Variants in PCDH7 observed in about 807,000 individuals in gnomAD.
The protein encoded by PCDH7 is protocadherin-7.
PCDH7 carries 17 observed loss-of-function variants against 58.9 expected under a neutral mutation model. That is an observed-to-expected ratio of 0.29 (90% CI 0.20 to 0.43). PCDH7 has a LOEUF of 0.43. Among genes scored for constraint, PCDH7 ranks in the 20% least tolerant of loss-of-function variants. The pLI, the probability that PCDH7 is intolerant of heterozygous loss-of-function variation, is 1.00. For missense variants in PCDH7, 1,274 were observed against 1,441.0 expected (o/e 0.88, Z 1.88); for synonymous variants, 664 against 616.4 (o/e 1.08, Z -1.14).
chr4:30,882,988 C>G (rs544374937), intron 1 of PCDH7, among the ~76,000 whole-genome samples: 1 of 152,208 alleles, frequency 6.6e-6, no homozygotes, highest in Non-Finnish European at 1.5e-5. Flanking sequence ...GCGGCAATTT[C>G]CCTTTCAGTG....
intron 1 of PCDH7, among the ~76,000 whole-genome samples, chr4:30,856,707 A>AATAT (rs1182128974): frequency 7.0e-6 from 1 of 142,430 alleles, no homozygotes; most frequent in Non-Finnish European, 1.5e-5. Context: ...AAAAAAAAAA[A>AATAT]ATATATATAT....
chr4:31,094,704 A>G (rs1253769927), intron 3 of PCDH7, among the ~76,000 whole-genome samples: 1 of 152,100 alleles, frequency 6.6e-6, no homozygotes, highest in Non-Finnish European at 1.5e-5. Flanking sequence ...TACCACTGAT[A>G]GGAAACACAT....
Position 30,831,208 on chromosome 4 carries a change from C to A in PCDH7, c.71-88945C>A, listed in dbSNP as rs189123884. Among the ~76,000 whole-genome samples, 325 of 152,152 alleles carry A rather than the reference C, an allele frequency of 2.1e-3. 1 individual carries two copies. Among genetic ancestry groups the A allele is most frequent in the African/African-American group, 7.5e-3 (310 of 41,512 alleles). The stretch of plus-strand genomic sequence containing the variant: ...AACTGGACAGAATTTGTCCCTCATA[C>A]GCTTCGTCTATTTATGCCTGGACAA... On this transcript the variant is annotated intron_variant, in intron 1 of 3. Coordinates refer to the PCDH7 transcript ENST00000509759.
chr4:31,092,277 G>A (rs980430576), intron 3 of PCDH7, among the ~76,000 whole-genome samples: 2 of 151,912 alleles, frequency 1.3e-5, no homozygotes, highest in African/African-American at 4.8e-5. Context: ...CTATGAAGTT[G>A]AAATAATAAA....
At chr4:31,107,317 A>G (rs1171382020) in intron 3 of PCDH7, among the ~76,000 whole-genome samples, 1 of 152,216 alleles carries the variant, frequency 6.6e-6, no homozygotes, top group African/African-American at 2.4e-5. Flanking sequence ...CTATCTCACA[A>G]TAAAGCAAAG....
intron 1 of PCDH7, among the ~76,000 whole-genome samples, chr4:30,885,922 T>G (rs1737677311): frequency 6.6e-6 from 1 of 152,164 alleles, no homozygotes; most frequent in Non-Finnish European, 1.5e-5. Flanking sequence ...TGGCCATATG[T>G]AGAAAGCTGA....
At chr4:30,912,290 T>C (rs1196585548) in intron 1 of PCDH7, among the ~76,000 whole-genome samples, 2 of 152,182 alleles carry the variant, frequency 1.3e-5, no homozygotes, top group Non-Finnish European at 2.9e-5. Flanking sequence ...CTAAATATGT[T>C]TGTTCAATAG....
chr4:30,880,891 G>A (rs372160634), intron 1 of PCDH7, among the ~76,000 whole-genome samples: 12 of 152,096 alleles, frequency 7.9e-5, no homozygotes, highest in African/African-American at 2.7e-4. Flanking sequence ...GGCTGGAGCT[G>A]GAGACTCAAA....
intron 3 of PCDH7, among the ~76,000 whole-genome samples, chr4:30,999,616 G>A (rs901024973): frequency 6.6e-6 from 1 of 151,984 alleles, no homozygotes; most frequent in East Asian, 1.9e-4. Flanking sequence ...ATGAGCAAGG[G>A]CCTTTTGTAA....
chr4:30,854,280 C>T (rs1253312537), intron 1 of PCDH7, among the ~76,000 whole-genome samples: 1 of 148,488 alleles, frequency 6.7e-6, no homozygotes, highest in African/African-American at 2.5e-5. Flanking sequence ...CGTTTAACTG[C>T]ATCCCTGGCC....
At chr4:30,838,314 A>ATT (rs896519322) in intron 1 of PCDH7, among the ~76,000 whole-genome samples, 1 of 149,902 alleles carries the variant, frequency 6.7e-6, no homozygotes, top group African/African-American at 2.4e-5. Context: ...TTTGATATAC[A>ATT]TTTTTTTTTT....
intron 1 of PCDH7, among the ~76,000 whole-genome samples, chr4:30,866,849 T>G (rs934142601): frequency 6.6e-6 from 1 of 152,156 alleles, no homozygotes; most frequent in Non-Finnish European, 1.5e-5. Flanking sequence ...AAGAAGTTTC[T>G]GTATGTAGCC....
At chr4:30,831,025 T>C (rs1185682167) in intron 1 of PCDH7, among the ~76,000 whole-genome samples, 1 of 152,118 alleles carries the variant, frequency 6.6e-6, no homozygotes, top group Non-Finnish European at 1.5e-5. Flanking sequence ...AATAATTTTC[T>C]GAAAGTATGG....
chr4:30,863,124 C>T (rs1246184632), intron 1 of PCDH7, among the ~76,000 whole-genome samples: 1 of 152,122 alleles, frequency 6.6e-6, no homozygotes, highest in Non-Finnish European at 1.5e-5. Context: ...CAGAGTACCA[C>T]TAAGGGAAAT....
At chr4:30,881,186 C>G (rs956135736) in intron 1 of PCDH7, among the ~76,000 whole-genome samples, 1 of 152,010 alleles carries the variant, frequency 6.6e-6, no homozygotes, top group Non-Finnish European at 1.5e-5. Context: ...AACCCTGGAG[C>G]TTTTGGTGCC....
intron 1 of PCDH7, among the ~76,000 whole-genome samples, chr4:30,894,550 CACACACACAT>C (rs1292874437): frequency 1.8e-5 from 2 of 109,826 alleles, no homozygotes; most frequent in African/African-American, 7.2e-5. Context: ...CACACACACA[CACACACACAT>C]ATATACATAT....
chr4:30,822,047 C>T (rs1013880934), intron 1 of PCDH7, among the ~76,000 whole-genome samples: 2 of 152,046 alleles, frequency 1.3e-5, no homozygotes, highest in Admixed American at 6.6e-5. Context: ...CACAAACGAT[C>T]GGTATCTCAG....
chr4:30,981,603 G>A (rs191944314), intron 3 of PCDH7, among the ~76,000 whole-genome samples: 75 of 152,114 alleles, frequency 4.9e-4, no homozygotes, highest in African/African-American at 1.7e-3. Context: ...TTCTATCAGC[G>A]AATAAAATAC....
intron 1 of PCDH7, among the ~76,000 whole-genome samples, chr4:30,902,733 G>A (rs1740397204): frequency 6.6e-6 from 1 of 151,896 alleles, no homozygotes; most frequent in Admixed American, 6.6e-5. Context: ...AAAAAAATAA[G>A]GAATAAAACC....
Sources: allele counts gnomAD v4.1 joint callset (sites outside exome capture counted in the v4.1 genomes callset), GRCh38; gene constraint gnomAD v4.1.1; transcripts MANE v1.5; gene names NCBI Gene and HGNC (gene_info 2026-07-23, HGNC 2026-07-21).